Variants in RNF144B observed in about 807,000 individuals in gnomAD.
The protein encoded by RNF144B is E3 ubiquitin-protein ligase RNF144B.
A neutral mutation model predicts 40.2 loss-of-function variants in RNF144B; 25 were observed. The observed-to-expected ratio is 0.62, with a 90% CI of 0.45 to 0.87. The LOEUF (loss-of-function observed/expected upper bound fraction) is 0.87, where lower values mean the gene tolerates loss of function less well. Among genes scored for constraint, RNF144B ranks in the 40% least tolerant of loss-of-function variants. The pLI is 0.00. For synonymous variants in RNF144B, 145 were observed against 136.3 expected, an observed-to-expected ratio of 1.06 and a Z score of -0.44; for missense variants, 365 against 373.7, an observed-to-expected ratio of 0.98 and a Z score of 0.19.
At chr6:18,391,100 G>C (rs1357066964) in intron 1 of RNF144B, among the ~76,000 whole-genome samples, 1 of 152,158 alleles carries the variant, frequency 6.6e-6, no homozygotes, top group Non-Finnish European at 1.5e-5. Context: ...AAAAATTTTT[G>C]ATTTAGATAT....
rs1795005983 is a variant in RNF144B at position 18,410,156 on chromosome 6, A to T, written c.165+10457A>T. Among the ~76,000 whole-genome samples, 1 of 152,192 alleles carries T rather than the reference A, an allele frequency of 6.6e-6. No individual in the cohort carries two copies. The highest frequency in any genetic ancestry group is 1.5e-5 in the Non-Finnish European group (1 of 68,030). ...GGCAAAAGTTGGTTTCTGATGAGAG[A>T]ACTTTTCCATTGTTGCCACTAAGTC... On this transcript the variant is annotated intron_variant, in intron 2 of 7. Coordinates refer to ENST00000259939, the MANE Select transcript of RNF144B (RefSeq NM_182757.4). This position sits in a 1 kb window ranked among gnomAD's most constrained non-coding sequence, Gnocchi z 4.6.
In RNF144B at chr6:18,425,010, T is replaced by C. The variant is rs547474870; in HGVS notation, c.166-2571T>C. Among the ~76,000 whole-genome samples, 333 of 152,298 alleles carry C rather than the reference T, an allele frequency of 2.2e-3. 1 individual carries two copies. Among genetic ancestry groups the C allele is most frequent in the Non-Finnish European group, 3.4e-3 (232 of 68,018 alleles). ...TATTATTCTGTAATTTGCAAATTCA[T>C]GAAGGGCTTCCATATATAAATTTCA... On this transcript the variant is annotated intron_variant, in intron 2 of 7. Transcript: ENST00000259939. The surrounding 1 kb of genome is among the most constrained non-coding windows in gnomAD (Gnocchi z 4.2).
At chr6:18,390,568 G>T (rs1794559303) in intron 1 of RNF144B, among the ~76,000 whole-genome samples, 1 of 152,144 alleles carries the variant, frequency 6.6e-6, no homozygotes, top group Non-Finnish European at 1.5e-5. Flanking sequence ...TGATCACATG[G>T]CTTGGAGTAT....
rs1000830592 is a variant in RNF144B, at chr6:18,450,651, C to T, written c.332-6504C>T. Among the ~76,000 whole-genome samples, 1 of 152,168 alleles carries T rather than the reference C, an allele frequency of 6.6e-6. No individual in the cohort carries two copies. Among genetic ancestry groups the T allele is most frequent in the Non-Finnish European group, 1.5e-5 (1 of 68,028 alleles). ...TTCCACCATGGCTAATTTTAAGCTA[C>T]CAAGGTAATGTCACTGAACTTGGAG... On this transcript the variant is annotated intron_variant, in intron 4 of 7. Coordinates refer to ENST00000259939, the MANE Select transcript of RNF144B (RefSeq NM_182757.4). The surrounding 1 kb of genome is among the most constrained non-coding windows in gnomAD (Gnocchi z 4.7).
intron 4 of RNF144B, among the ~76,000 whole-genome samples, chr6:18,449,042 A>C (rs1405037201): frequency 6.6e-6 from 1 of 152,184 alleles, no homozygotes; most frequent in African/African-American, 2.4e-5. Context: ...GGGAAGAAAG[A>C]AGTCTTGTGT....
In RNF144B at chr6:18,425,771, ACT is replaced by A. The variant is rs775160580; in HGVS notation, c.166-1807_166-1806del. Among the ~76,000 whole-genome samples the A allele has an allele frequency of 3.9e-5, 6 of 151,972 alleles. No individual in the cohort carries two copies. Among genetic ancestry groups the A allele is most frequent in the Non-Finnish European group, 5.9e-5 (4 of 68,024 alleles). On this transcript the variant is annotated intron_variant, in intron 2 of 7. Coordinates refer to ENST00000259939, the MANE Select transcript of RNF144B (RefSeq NM_182757.4). The surrounding 1 kb of genome is among the most constrained non-coding windows in gnomAD (Gnocchi z 4.2). ...CATGTCTTTTAAATATCATTTGAAG[ACT>A]CTTTTCATGATTCTGCACATTCTAT...
intron 3 of RNF144B, among the ~76,000 whole-genome samples, chr6:18,431,643 T>C (rs550066280): frequency 6.6e-6 from 1 of 152,352 alleles, no homozygotes; most frequent in South Asian, 2.1e-4. Context: ...ATACTTTGCT[T>C]GTTAAAAATA....
Position 18,412,727 on chromosome 6 carries a change from A to G in RNF144B, c.165+13028A>G, listed in dbSNP as rs1175259121. Among the ~76,000 whole-genome samples the G allele has an allele frequency of 1.3e-5, 2 of 152,180 alleles. No homozygotes were observed. Among genetic ancestry groups the G allele is most frequent in the African/African-American group, 4.8e-5 (2 of 41,442 alleles). ...AAGATTGGTTATATAAGGCTTATCT[A>G]TGTGGATTCCAGATATGCAGTGTAC... is the stretch of plus-strand genomic sequence containing the variant. On this transcript the variant is annotated intron_variant, in intron 2 of 7. Transcript: ENST00000259939. The surrounding 1 kb of genome is among the most constrained non-coding windows in gnomAD (Gnocchi z 4.2).
intron 6 of RNF144B, among the ~76,000 whole-genome samples, chr6:18,462,786 A>G (rs923118707): frequency 5.3e-5 from 8 of 151,728 alleles, no homozygotes; most frequent in Admixed American, 2.6e-4. Flanking sequence ...CTCCATCTCT[A>G]TGTTGTCACT....
At chr6:18,437,166 A>G (rs1243825655) in intron 3 of RNF144B, among the ~76,000 whole-genome samples, 2 of 152,182 alleles carry the variant, frequency 1.3e-5, no homozygotes, top group African/African-American at 4.8e-5. Flanking sequence ...GACTGGGTGC[A>G]ACTGGCTCAT....
In RNF144B at chr6:18,441,226, T is replaced by C. The variant is rs1758957741; in HGVS notation, c.331+1482T>C. Among the ~76,000 whole-genome samples, 1 of 152,166 alleles carries C rather than the reference T, an allele frequency of 6.6e-6. No homozygotes were observed. The highest frequency in any genetic ancestry group is 2.4e-5 in the African/African-American group (1 of 41,460). On this transcript the variant is annotated intron_variant, in intron 4 of 7. Transcript: ENST00000259939. This position sits in a 1 kb window ranked among gnomAD's most constrained non-coding sequence, Gnocchi z 4.9. Reference sequence around the variant, plus strand: ...CACTTTATCCCAACATCCTCCACTATAAAAATCAATTATAATTAGAACATG... The same window carrying C: ...CACTTTATCCCAACATCCTCCACTACAAAAATCAATTATAATTAGAACATG...
At chr6:18,438,649 A>G (rs1758881168) in intron 3 of RNF144B, among the ~76,000 whole-genome samples, 1 of 152,126 alleles carries the variant, frequency 6.6e-6, no homozygotes, top group South Asian at 2.1e-4. Context: ...GTTAAATACA[A>G]TTTTAGCTGC....
chr6:18,420,241 C>T (rs917363197), intron 2 of RNF144B, among the ~76,000 whole-genome samples: 5 of 152,090 alleles, frequency 3.3e-5, no homozygotes, highest in African/African-American at 1.2e-4. Context: ...TAAAATCCTC[C>T]AATAAGCATT....
chr6:18,457,113 T>C lies in RNF144B; in HGVS notation c.332-42T>C. 1.4e-6 allele frequency: 2 copies of C among 1,425,108 alleles called. No individual in the cohort carries two copies. Among genetic ancestry groups the C allele is most frequent in the Non-Finnish European group, 2.0e-6 (2 of 1,009,056 alleles). The allele number at this position is 1,425,108 out of a possible 1,614,324, so 88.3% of individuals were successfully genotyped here. A position where few individuals can be genotyped will look rare whatever the true frequency, so the allele number is the denominator to read the frequency against. On this transcript the variant is annotated intron_variant, in intron 4 of 7. Coordinates refer to ENST00000259939, the MANE Select transcript of RNF144B (RefSeq NM_182757.4). The surrounding 1 kb of genome is among the most constrained non-coding windows in gnomAD (Gnocchi z 5.1). ...AATGAAGGTGAGAAAGACTCAAACATGAATCGGGCAGACCATCACATTTTC... is the reference window on the plus strand; with the variant it reads ...AATGAAGGTGAGAAAGACTCAAACACGAATCGGGCAGACCATCACATTTTC...
At chr6:18,423,895 T>A (rs1169230653) in intron 2 of RNF144B, among the ~76,000 whole-genome samples, 1 of 152,248 alleles carries the variant, frequency 6.6e-6, no homozygotes, top group Admixed American at 6.5e-5. Context: ...AGATGTTCTA[T>A]TTGAAACATT....
At chr6:18,394,499 G>T (rs1210688685) in intron 1 of RNF144B, among the ~76,000 whole-genome samples, 1 of 151,938 alleles carries the variant, frequency 6.6e-6, no homozygotes, top group South Asian at 2.1e-4. Context: ...TTGGAACGCT[G>T]AGGCAGGAGA....
chr6:18,422,210 A>G lies in RNF144B; in HGVS notation c.166-5371A>G, dbSNP rs773821781. Among the ~76,000 whole-genome samples the G allele has an allele frequency of 3.3e-5, 5 of 152,162 alleles. No homozygotes were observed. The highest frequency in any genetic ancestry group is 5.9e-5 in the Non-Finnish European group (4 of 68,022). ...AGGCTTTTGAGTAGGGAGAGATACT[A>G]TCTTGAATTGTGCTAATAATTTAAC... On this transcript the variant is annotated intron_variant, in intron 2 of 7. Transcript: ENST00000259939. The surrounding 1 kb of genome is among the most constrained non-coding windows in gnomAD (Gnocchi z 4.7).
At position 18,419,669 on chromosome 6, in the gene RNF144B, T is replaced by C. The variant is rs1653609766; in HGVS notation, c.166-7912T>C. Among the ~76,000 whole-genome samples the C allele has an allele frequency of 6.6e-6, 1 of 152,086 alleles. No homozygotes were observed. The highest frequency in any genetic ancestry group is 2.1e-4 in the South Asian group (1 of 4,818). On this transcript the variant is annotated intron_variant, in intron 2 of 7. Coordinates refer to ENST00000259939, the MANE Select transcript of RNF144B (RefSeq NM_182757.4). This position sits in a 1 kb window ranked among gnomAD's most constrained non-coding sequence, Gnocchi z 4.6. ...AGGAAGAAATGTGTACTGGATTCAGTGACCTAGAGCCACTTCAGTTGAGTG... is the reference window on the plus strand; with the variant it reads ...AGGAAGAAATGTGTACTGGATTCAGCGACCTAGAGCCACTTCAGTTGAGTG...
chr6:18,389,214 T>C (rs923446269), intron 1 of RNF144B, among the ~76,000 whole-genome samples: 3 of 152,204 alleles, frequency 2.0e-5, no homozygotes, highest in Non-Finnish European at 2.9e-5. Flanking sequence ...TTTCAGTTCA[T>C]TGGCAATTTA....
Sources: allele counts gnomAD v4.1 joint callset (sites outside exome capture counted in the v4.1 genomes callset), GRCh38; gene constraint gnomAD v4.1.1; non-coding constraint Gnocchi (gnomAD v3.1); transcripts MANE v1.5; gene names NCBI Gene and HGNC (gene_info 2026-07-23, HGNC 2026-07-21).